MRPS6: variants seen among roughly 807,000 people sequenced by gnomAD.
MRPS6 encodes the protein mitochondrial ribosomal protein S6.
Under a neutral mutation model 13.1 loss-of-function variants are expected in MRPS6, and 6 were observed. That is an observed-to-expected ratio of 0.46 (90% CI 0.25 to 0.91). MRPS6 has a LOEUF of 0.91. MRPS6 is among the 40% of genes least tolerant of loss of function. The pLI is 0.18. For synonymous variants in MRPS6, 61 were observed against 56.5 expected, an observed-to-expected ratio of 1.08 and a Z score of -0.36; for missense variants, 164 against 155.6, an observed-to-expected ratio of 1.05 and a Z score of -0.29.
intron 1 of MRPS6, among the ~76,000 whole-genome samples, chr21:34,116,042 CTG>C (rs1466143835): frequency 4.6e-5 from 7 of 151,896 alleles, no homozygotes; most frequent in Non-Finnish European, 8.8e-5. Context: ...GGGTTTCACT[CTG>C]TTACCCAGGA....
At chr21:34,134,912 A>G (rs965962779) in intron 2 of MRPS6, among the ~76,000 whole-genome samples, 5 of 152,198 alleles carry the variant, frequency 3.3e-5, no homozygotes, top group African/African-American at 4.8e-5. Context: ...TGGCTAAGTG[A>G]TGTTAGGTTA....
rs181917144 is a variant in MRPS6 at position 34,117,906 on chromosome 21, A to T, written c.46-7435A>T. Among the ~76,000 whole-genome samples, 216 of 152,276 alleles carry T rather than the reference A, an allele frequency of 1.4e-3. 1 individual carries two copies. Among genetic ancestry groups the T allele is most frequent in the Non-Finnish European group, 1.9e-3 (128 of 68,012 alleles). The stretch of plus-strand genomic sequence containing the variant: ...CATGTAACTGTTTCTCAGAAAGATG[A>T]TTATATAAATACCATATTCACGAGT... On this transcript the variant is annotated intron_variant, in intron 1 of 2. Coordinates refer to ENST00000399312, the MANE Select transcript of MRPS6 (RefSeq NM_032476.4).
chr21:34,098,562 C>T (rs911978704), intron 1 of MRPS6: 30 of 1,000,022 alleles, frequency 3.0e-5, no homozygotes, highest in African/African-American at 2.1e-4. Context: ...AACTGGCCGT[C>T]GGTAACAGAA....
At chr21:34,099,393 C>G in intron 1 of MRPS6, 1 of 1,000,184 alleles carries the variant, frequency 1.0e-6, no homozygotes. Flanking sequence ...ATGTTTTGTC[C>G]TGTTTTTTCA....
chr21:34,100,877 C>T (rs2148661308), intron 1 of MRPS6: 3 of 1,000,128 alleles, frequency 3.0e-6, no homozygotes, highest in Middle Eastern at 1.0e-3. Context: ...TTATTAGCTA[C>T]TCAGTTACTT....
intron 1 of MRPS6, among the ~76,000 whole-genome samples, chr21:34,073,950 G>C (rs1989255097): frequency 6.9e-6 from 1 of 145,914 alleles, no homozygotes; most frequent in Non-Finnish European, 1.5e-5. Flanking sequence ...CGCGGGAGGC[G>C]GGGGTGTGCC....
intron 1 of MRPS6, among the ~76,000 whole-genome samples, chr21:34,083,095 A>T (rs755641881): frequency 2.0e-5 from 3 of 152,172 alleles, no homozygotes; most frequent in Non-Finnish European, 4.4e-5. Flanking sequence ...TGAGTTTTTA[A>T]AAGTTTCTCT....
chr21:34,088,852 G>C (rs977359491), intron 1 of MRPS6, among the ~76,000 whole-genome samples: 1 of 151,770 alleles, frequency 6.6e-6, no homozygotes, highest in African/African-American at 2.4e-5. Context: ...ATGGTGTTAG[G>C]ACTTAGGTTA....
chr21:34,142,519 C>G lies in MRPS6; in HGVS notation c.297C>G (p.Thr99=). Residue 99 remains threonine, a synonymous_variant, in exon 3 of 3, where the codon ACC becomes ACG. Coordinates refer to ENST00000399312, the MANE Select transcript of MRPS6 (RefSeq NM_032476.4). ...GGAATATTGTCAAACACCCTCTGAC[C>G]CAGGAACTAAAAGAATGTGAAGGGA... ...IRGNIVKHPL[T]QELKECEGIV... 6.2e-7 allele frequency: 1 copy of G among 1,613,006 alleles called. No homozygotes were observed. The highest frequency in any genetic ancestry group is 8.5e-7 in the Non-Finnish European group (1 of 1,179,552).
At chr21:34,113,639 C>T (rs147641355) in intron 1 of MRPS6, among the ~76,000 whole-genome samples, 2 of 152,210 alleles carry the variant, frequency 1.3e-5, no homozygotes, top group African/African-American at 4.8e-5. Context: ...AGCATCACTG[C>T]AGTTGGCCTA....
Position 34,142,711 on chromosome 21 carries a change from C to A in MRPS6, c.*111C>A. On this transcript the variant is annotated 3_prime_UTR_variant, in exon 3 of 3. Transcript: ENST00000399312. The stretch of plus-strand genomic sequence containing the variant: ...TTTATATAAGCATGTGTTGCAGGTG[C>A]TGTTTGATTTTTCTAAGGTATTTTT... 7.9e-7 allele frequency: 1 copy of A among 1,271,100 alleles called. No individual in the cohort carries two copies. Among genetic ancestry groups the A allele is most frequent in the Non-Finnish European group, 1.0e-6 (1 of 974,350 alleles). 78.7% of individuals were successfully genotyped at this position (1,271,100 alleles called of 1,614,324 possible).
rs958578699 is a variant in MRPS6 at position 34,105,710 on chromosome 21, A to T, written c.46-19631A>T. The T allele has an allele frequency of 1.3e-5, 13 of 998,402 alleles. No homozygotes were observed. The African/African-American group carries it at 2.3e-4, about 17-fold the overall frequency. 61.8% of individuals were successfully genotyped at this position (998,402 alleles called of 1,614,324 possible). A position where few individuals can be genotyped will look rare whatever the true frequency, so the allele number is the denominator to read the frequency against. On this transcript the variant is annotated intron_variant, in intron 1 of 2. Coordinates refer to ENST00000399312, the MANE Select transcript of MRPS6 (RefSeq NM_032476.4). ...TTATTAGTGAGTTTTTTGAATTGTA[A>T]ATGGATTTCCAGTTTACCTTCTGTT... is the stretch of plus-strand genomic sequence containing the variant.
intron 1 of MRPS6, chr21:34,099,946 T>C: frequency 2.4e-6 from 1 of 413,738 alleles, no homozygotes; most frequent in Non-Finnish European, 3.4e-6. Context: ...CAGTCTTCAA[T>C]CTATATTTCA....
At chr21:34,136,004 G>C in intron 2 of MRPS6, 1 of 291,858 alleles carries the variant, frequency 3.4e-6, no homozygotes, top group Admixed American at 4.8e-5. Flanking sequence ...TCTGCACAGC[G>C]TCCACTTCCC....
intron 1 of MRPS6, among the ~76,000 whole-genome samples, chr21:34,119,945 C>T (rs1160916988): frequency 1.3e-5 from 2 of 152,128 alleles, no homozygotes; most frequent in East Asian, 3.9e-4. Flanking sequence ...TTTACTACAG[C>T]AACTTTTCCC....
At chr21:34,128,428 A>C (rs936353063) in intron 2 of MRPS6, among the ~76,000 whole-genome samples, 6 of 152,124 alleles carry the variant, frequency 3.9e-5, no homozygotes, top group African/African-American at 1.4e-4. Flanking sequence ...AAGAGTAGGT[A>C]AGGGAGAGCC....
intron 1 of MRPS6, chr21:34,105,871 A>G (rs1979453896): frequency 1.0e-6 from 1 of 990,940 alleles, no homozygotes; most frequent in Non-Finnish European, 1.2e-6. Context: ...TTGAAATTGT[A>G]GATTTAAGAT....
At chr21:34,074,724 C>T (rs1056596839) in intron 1 of MRPS6, among the ~76,000 whole-genome samples, 1 of 152,190 alleles carries the variant, frequency 6.6e-6, no homozygotes, top group Non-Finnish European at 1.5e-5. Flanking sequence ...GTACCACGTC[C>T]GAACTTTGTA....
chr21:34,075,308 A>G (rs1989301294), intron 1 of MRPS6, among the ~76,000 whole-genome samples: 2 of 152,112 alleles, frequency 1.3e-5, no homozygotes, highest in African/African-American at 4.8e-5. Flanking sequence ...ACCCTTTGAA[A>G]CCTTTGAAAT....
Sources: allele counts gnomAD v4.1 joint callset (sites outside exome capture counted in the v4.1 genomes callset), GRCh38; gene constraint gnomAD v4.1.1; transcripts MANE v1.5; gene names NCBI Gene and HGNC (gene_info 2026-07-23, HGNC 2026-07-21).